GALNTL6: variants seen among roughly 807,000 people sequenced by gnomAD.
GALNTL6 encodes the protein polypeptide N-acetylgalactosaminyltransferase like 6, also known as polypeptide N-acetylgalactosaminyltransferase-like 6.
In GALNTL6, 46 loss-of-function variants were observed where a neutral mutation model predicts 73.7. That is an observed-to-expected ratio of 0.62 (90% CI 0.49 to 0.80). GALNTL6 has a LOEUF of 0.80. Among genes scored for constraint, GALNTL6 ranks in the 30% least tolerant of loss-of-function variants. The probability of loss-of-function intolerance (pLI) is 0.00; values close to 1 mark genes in which losing one functional copy is unlikely to be tolerated. For synonymous variants in GALNTL6, 259 were observed against 263.7 expected (o/e 0.98, Z 0.17); for missense variants, 604 against 755.0 (o/e 0.80, Z 2.34).
chr4:171,824,161 G>T (rs537128982), intron 2 of GALNTL6, among the ~76,000 whole-genome samples: 1 of 148,546 alleles, frequency 6.7e-6, no homozygotes, highest in Non-Finnish European at 1.5e-5. Context: ...TTAAAAAGTT[G>T]TCAAGGTAGT....
At chr4:172,219,288 A>G (rs1736599971) in intron 2 of GALNTL6, among the ~76,000 whole-genome samples, 1 of 148,716 alleles carries the variant, frequency 6.7e-6, no homozygotes, top group African/African-American at 2.5e-5. Flanking sequence ...TTTTTAAAAA[A>G]ATTATTCCTT....
At chr4:171,879,097 A>C (rs1285887349) in intron 2 of GALNTL6, among the ~76,000 whole-genome samples, 1 of 152,220 alleles carries the variant, frequency 6.6e-6, no homozygotes, top group Non-Finnish European at 1.5e-5. Context: ...GTGCGAGAAC[A>C]AACTAATACC....
At chr4:171,833,236 T>A (rs989884416) in intron 2 of GALNTL6, among the ~76,000 whole-genome samples, 1 of 151,710 alleles carries the variant, frequency 6.6e-6, no homozygotes. Context: ...GCTCAATGAA[T>A]TGCTATTGAC....
intron 5 of GALNTL6, among the ~76,000 whole-genome samples, chr4:172,606,657 T>C (rs1738305056): frequency 2.6e-5 from 1 of 38,080 alleles, no homozygotes; most frequent in East Asian, 1.9e-3. Flanking sequence ...ATATAGTATA[T>C]ATATACTATA....
At chr4:172,912,640 A>G (rs1313860396) in intron 8 of GALNTL6, among the ~76,000 whole-genome samples, 1 of 152,028 alleles carries the variant, frequency 6.6e-6, no homozygotes, top group Non-Finnish European at 1.5e-5. Context: ...CCAAGACCCA[A>G]CTGAGAGGCC....
chr4:172,193,754 T>G (rs1174238049), intron 2 of GALNTL6, among the ~76,000 whole-genome samples: 1 of 152,084 alleles, frequency 6.6e-6, no homozygotes, highest in East Asian at 1.9e-4. Context: ...TCCCAGCTAC[T>G]TGGGAGGCTG....
At chr4:172,473,828 C>A (rs1733137733) in intron 5 of GALNTL6, among the ~76,000 whole-genome samples, 1 of 152,152 alleles carries the variant, frequency 6.6e-6, no homozygotes, top group Admixed American at 6.5e-5. Flanking sequence ...AAATTGATAT[C>A]TCCATTCTCA....
rs149154247 is a variant in GALNTL6 at position 172,173,690 on chromosome 4, G to T, written c.139-55966G>T. ...GCTATTTATAACCAGTGAACTGGGT[G>T]ATTATTGGAAGAAGTAAAGAATTTA... On this transcript the variant is annotated intron_variant, in intron 2 of 12. Coordinates refer to ENST00000506823, the MANE Select transcript of GALNTL6 (RefSeq NM_001034845.3). Among the ~76,000 whole-genome samples the T allele has an allele frequency of 3.4e-3, 524 of 152,324 alleles. 4 individuals carry two copies. Among genetic ancestry groups the T allele is most frequent in the African/African-American group, 0.012 (492 of 41,570 alleles).
At chr4:171,903,900 G>A (rs1737189862) in intron 2 of GALNTL6, among the ~76,000 whole-genome samples, 1 of 152,028 alleles carries the variant, frequency 6.6e-6, no homozygotes, top group Admixed American at 6.6e-5. Context: ...ACCTCACACG[G>A]CCAGGTACTC....
At chr4:172,530,546 G>A (rs2110845110) in intron 5 of GALNTL6, among the ~76,000 whole-genome samples, 1 of 152,178 alleles carries the variant, frequency 6.6e-6, no homozygotes, top group African/African-American at 2.4e-5. Flanking sequence ...TTACCTCTCT[G>A]AACCACAGCT....
chr4:172,196,168 C>G (rs1735761999), intron 2 of GALNTL6, among the ~76,000 whole-genome samples: 1 of 151,834 alleles, frequency 6.6e-6, no homozygotes, highest in Non-Finnish European at 1.5e-5. Context: ...ACTATAAACA[C>G]CACTATGCAA....
intron 2 of GALNTL6, among the ~76,000 whole-genome samples, chr4:171,868,882 T>G (rs933222504): frequency 3.9e-5 from 6 of 152,190 alleles, no homozygotes; most frequent in African/African-American, 1.4e-4. Context: ...GGTTTCACCA[T>G]GTTGGCCAGG....
intron 4 of GALNTL6, among the ~76,000 whole-genome samples, chr4:172,344,320 T>A (rs1347993551): frequency 6.6e-6 from 1 of 152,184 alleles, no homozygotes; most frequent in Non-Finnish European, 1.5e-5. Context: ...GTCATCTGGA[T>A]CACAACTTCT....
intron 2 of GALNTL6, among the ~76,000 whole-genome samples, chr4:172,104,197 C>T (rs1330249793): frequency 6.6e-6 from 1 of 152,156 alleles, no homozygotes; most frequent in African/African-American, 2.4e-5. Flanking sequence ...CCCGCCTCGG[C>T]CTCCCAAAGT....
chr4:172,447,486 A>G (rs1323174760), intron 5 of GALNTL6, among the ~76,000 whole-genome samples: 2 of 152,184 alleles, frequency 1.3e-5, no homozygotes, highest in East Asian at 1.9e-4. Flanking sequence ...GAAGGGGTGA[A>G]AGAGCAGTAT....
chr4:172,106,157 T>C (rs746355297), intron 2 of GALNTL6, among the ~76,000 whole-genome samples: 1 of 152,102 alleles, frequency 6.6e-6, no homozygotes, highest in Non-Finnish European at 1.5e-5. Context: ...AGATAAGCAA[T>C]AGTAGGTAAT....
chr4:172,861,672 G>A (rs1744401286), intron 7 of GALNTL6, among the ~76,000 whole-genome samples: 1 of 152,184 alleles, frequency 6.6e-6, no homozygotes, highest in Non-Finnish European at 1.5e-5. Flanking sequence ...GACCCAGTGG[G>A]AGGTAATTGA....
intron 4 of GALNTL6, 78 bp downstream of exon 4, chr4:172,311,830 C>T (rs1740375418): frequency 1.3e-5 from 13 of 975,126 alleles, no homozygotes; most frequent in Non-Finnish European, 1.9e-5. Context: ...AAATGTGTAT[C>T]ACTGCGAGAT....
intron 5 of GALNTL6, among the ~76,000 whole-genome samples, chr4:172,441,405 A>G (rs1291499991): frequency 2.6e-5 from 4 of 152,094 alleles, no homozygotes; most frequent in African/African-American, 9.7e-5. Context: ...TGTAATTTCA[A>G]TCAATACTCA....
Sources: allele counts gnomAD v4.1 joint callset (sites outside exome capture counted in the v4.1 genomes callset), GRCh38; gene constraint gnomAD v4.1.1; transcripts MANE v1.5; gene names NCBI Gene and HGNC (gene_info 2026-07-23, HGNC 2026-07-21).